Variants in PXDN observed in about 807,000 individuals in gnomAD.
The protein encoded by PXDN is peroxidasin.
A neutral mutation model predicts 140.3 loss-of-function variants in PXDN; 77 were observed. The observed-to-expected ratio is 0.55, with a 90% CI of 0.46 to 0.66. The LOEUF is 0.66. Ranked by LOEUF, PXDN falls within the 30% of genes least tolerant of loss-of-function variation. The pLI, the probability that PXDN is intolerant of heterozygous loss-of-function variation, is 0.00. For synonymous variants in PXDN, 911 were observed against 857.4 expected, an observed-to-expected ratio of 1.06 and a Z score of -1.09; for missense variants, 1,838 against 2,039.5, an observed-to-expected ratio of 0.90 and a Z score of 1.90.
intron 6 of PXDN, among the ~76,000 whole-genome samples, chr2:1,680,631 C>T (rs1683877456): frequency 6.6e-6 from 1 of 152,196 alleles, no homozygotes; most frequent in Admixed American, 6.5e-5. Context: ...TAGCATAGGG[C>T]TTGTGCACAC....
chr2:1,662,038 G>T, intron 13 of PXDN, 34 bp downstream of exon 13: 3 of 1,535,308 alleles, frequency 2.0e-6, no homozygotes, highest in Non-Finnish European at 2.7e-6. Flanking sequence ...CCTTGTATCT[G>T]GGTGGTGGCT....
At chr2:1,725,892 C>T (rs1423818893) in intron 1 of PXDN, among the ~76,000 whole-genome samples, 7 of 151,918 alleles carry the variant, frequency 4.6e-5, no homozygotes, top group African/African-American at 1.7e-4. Flanking sequence ...CATCTCCCAC[C>T]AGTTAGAATG....
rs979010972 is a variant in PXDN, at chr2:1,633,262, C to A, written c.*942G>T. 9 of 150,062 alleles carry A rather than the reference C, an allele frequency of 6.0e-5. No individual in the cohort carries two copies. Among genetic ancestry groups the A allele is most frequent in the Admixed American group, 2.7e-4 (4 of 14,982 alleles). 9.3% of individuals were successfully genotyped at this position (150,062 alleles called of 1,614,324 possible). On this transcript the variant is annotated 3_prime_UTR_variant, in exon 23 of 23. Transcript: ENST00000252804. ...TCCCTTGGGAAGAGCCATCCGGAAG[C>A]GGCTCTTGTTCAGGACGTGGACGCA...
At chr2:1,679,641 TATAA>T (rs1204062516) in intron 7 of PXDN, among the ~76,000 whole-genome samples, 1 of 146,904 alleles carries the variant, frequency 6.8e-6, no homozygotes, top group Non-Finnish European at 1.5e-5. Context: ...TGTGTGTGTC[TATAA>T]ATGGTGTGTG....
chr2:1,682,710 A>T (rs1683935860), intron 6 of PXDN, among the ~76,000 whole-genome samples: 5 of 152,102 alleles, frequency 3.3e-5, no homozygotes, highest in African/African-American at 1.2e-4. Context: ...GAGCCCAAGA[A>T]GGGCGGATCA....
At chr2:1,681,063 C>T (rs940324184) in intron 6 of PXDN, among the ~76,000 whole-genome samples, 2 of 152,128 alleles carry the variant, frequency 1.3e-5, no homozygotes, top group African/African-American at 4.8e-5. Context: ...ACACAGGCTA[C>T]AGGGCAAGGG....
chr2:1,701,864 C>T (rs1229981630), intron 1 of PXDN, among the ~76,000 whole-genome samples: 1 of 152,116 alleles, frequency 6.6e-6, no homozygotes, highest in Admixed American at 6.5e-5. Context: ...TTGTCCTGTC[C>T]ACAATGTGAG....
Position 1,644,752 on chromosome 2 carries a change from C to A in PXDN, c.3609G>T (p.Arg1203Ser). Residue 1203 changes from arginine (R) to serine (S), a missense_variant and splice_region_variant, in exon 18 of 23, where the codon AGG becomes AGT. By Grantham distance (110) the Arg-to-Ser change is moderately radical (BLOSUM62 -1). Coordinates refer to ENST00000252804, the MANE Select transcript of PXDN (RefSeq NM_012293.3). The part of the protein sequence containing the change: ...KNPEIREKLK[R>S]LYGSTLNIDL... ...CGATGTTGAGTGTCGAGCCATACAACCTAAAAAATAAAGAGAAAACTGAAA... is the reference window on the plus strand; with the variant it reads ...CGATGTTGAGTGTCGAGCCATACAAACTAAAAAATAAAGAGAAAACTGAAA... The A allele has an allele frequency of 6.6e-7, 1 of 1,511,410 alleles. No homozygotes were observed. Among genetic ancestry groups the A allele is most frequent in the South Asian group, 1.3e-5 (1 of 75,494 alleles). 93.6% of individuals were successfully genotyped at this position (1,511,410 alleles called of 1,614,324 possible).
At chr2:1,662,805 C>A (rs1316453849) in intron 12 of PXDN, among the ~76,000 whole-genome samples, 1 of 152,198 alleles carries the variant, frequency 6.6e-6, no homozygotes, top group East Asian at 1.9e-4. Context: ...CAGAGGGGAG[C>A]CCCTTCTAGA....
At chr2:1,736,674 G>T (rs1293891092) in intron 1 of PXDN, among the ~76,000 whole-genome samples, 1 of 139,514 alleles carries the variant, frequency 7.2e-6, no homozygotes, top group Non-Finnish European at 1.6e-5. Flanking sequence ...AAATTAAAAA[G>T]AAATTTAAAA....
Position 1,635,573 on chromosome 2 carries a change from T to C in PXDN, c.4207-52A>G, listed in dbSNP as rs535160104. On this transcript the variant is annotated intron_variant, in intron 21 of 22. Transcript: ENST00000252804. ...CATTGGGCACTTCAGAGTAACAGCTTGGCTCTTGTATTAAAAGATGTTATT... is the reference window on the plus strand; with the variant it reads ...CATTGGGCACTTCAGAGTAACAGCTCGGCTCTTGTATTAAAAGATGTTATT... 3.2e-4 allele frequency: 408 copies of C among 1,291,462 alleles called. 4 individuals carry two copies. In the South Asian group the frequency reaches 4.7e-3, roughly 15 times the overall value. 80.0% of individuals were successfully genotyped at this position (1,291,462 alleles called of 1,614,324 possible).
Position 1,651,902 on chromosome 2 carries a change from G to A in PXDN, c.2104+1726C>T, listed in dbSNP as rs1014388328. On this transcript the variant is annotated intron_variant, in intron 16 of 22. Coordinates refer to ENST00000252804, the MANE Select transcript of PXDN (RefSeq NM_012293.3). The surrounding 1 kb of genome is among the most constrained non-coding windows in gnomAD (Gnocchi z 4.4). ...AGAGGTTTTTATTTCTTCCGTTTGT[G>A]ACTGTAGGCCCTGGCCCAGGACAAT... is the stretch of plus-strand genomic sequence containing the variant. 1.3e-5 allele frequency among the ~76,000 whole-genome samples: 2 copies of A among 152,212 alleles called. No homozygotes were observed. Among genetic ancestry groups the A allele is most frequent in the African/African-American group, 4.8e-5 (2 of 41,448 alleles).
chr2:1,644,254 G>A (rs971653715), intron 18 of PXDN, among the ~76,000 whole-genome samples: 3 of 152,086 alleles, frequency 2.0e-5, no homozygotes, highest in South Asian at 2.1e-4. Flanking sequence ...AGTAATAACA[G>A]TAGACTAGAG....
At chr2:1,679,972 CTGTAAATGGTGTGTG>C (rs1683846988) in intron 7 of PXDN, among the ~76,000 whole-genome samples, 1 of 108,460 alleles carries the variant, frequency 9.2e-6, no homozygotes, top group Non-Finnish European at 1.8e-5. Context: ...ACGTGTGTGT[CTGTAAATGGTGTGTG>C]TGTAAATGGT....
intron 1 of PXDN, among the ~76,000 whole-genome samples, chr2:1,729,772 C>T (rs1685272030): frequency 6.6e-6 from 1 of 152,120 alleles, no homozygotes; most frequent in Non-Finnish European, 1.5e-5. Context: ...CAGACACACA[C>T]AAAAATGCAT....
chr2:1,692,531 C>A (rs762733444), intron 2 of PXDN: 3 of 471,672 alleles, frequency 6.4e-6, no homozygotes, highest in African/African-American at 2.0e-5. Flanking sequence ...GCTCTTACAC[C>A]GTTGTGCTCA....
intron 1 of PXDN, among the ~76,000 whole-genome samples, chr2:1,711,872 T>C (rs546055623): frequency 1.9e-4 from 29 of 152,300 alleles, no homozygotes; most frequent in South Asian, 1.9e-3. Flanking sequence ...CCTGGACTTG[T>C]AACTGCTCTC....
At chr2:1,677,749 G>T (rs1306217775) in intron 7 of PXDN, among the ~76,000 whole-genome samples, 1 of 152,236 alleles carries the variant, frequency 6.6e-6, no homozygotes, top group South Asian at 2.1e-4. Context: ...CCCCTCAGCA[G>T]CCATGAGGGA....
intron 1 of PXDN, among the ~76,000 whole-genome samples, chr2:1,717,825 T>C (rs1485353354): frequency 6.7e-6 from 1 of 149,168 alleles, no homozygotes; most frequent in Non-Finnish European, 1.5e-5. Flanking sequence ...GCTAACCAAC[T>C]ACCCAAACCT....
Sources: allele counts gnomAD v4.1 joint callset (sites outside exome capture counted in the v4.1 genomes callset), GRCh38; gene constraint gnomAD v4.1.1; non-coding constraint Gnocchi (gnomAD v3.1); transcripts MANE v1.5; gene names NCBI Gene and HGNC (gene_info 2026-07-23, HGNC 2026-07-21).